The following NADK2 variants were observed in gnomAD, a reference collection of about 807,000 sequenced individuals.
NADK2 encodes NAD kinase 2, mitochondrial, also known as NAD kinase domain-containing protein 1, mitochondrial.
NADK2 carries 35 observed loss-of-function variants against 62.1 expected under a neutral mutation model. That is an observed-to-expected ratio of 0.56 (90% CI 0.43 to 0.75). The LOEUF is 0.75. NADK2 is among the 30% of genes least tolerant of loss of function. The pLI, the probability that NADK2 is intolerant of heterozygous loss-of-function variation, is 0.00. For missense variants in NADK2, 439 were observed against 561.3 expected (o/e 0.78, Z 2.20); for synonymous variants, 205 against 207.9 (o/e 0.99, Z 0.12).
At chr5:36,239,645 G>T (rs1289824895) in intron 1 of NADK2, among the ~76,000 whole-genome samples, 1 of 152,054 alleles carries the variant, frequency 6.6e-6, no homozygotes. Flanking sequence ...TTTATTAAGT[G>T]GTAATCTAGT....
In NADK2 at chr5:36,195,021, A is replaced by T; in HGVS notation, c.*123T>A. On this transcript the variant is annotated 3_prime_UTR_variant, in exon 12 of 12. Coordinates refer to ENST00000381937, the MANE Select transcript of NADK2 (RefSeq NM_001085411.3). ...CCAACAGAAGAATAATGCAAATCTC[A>T]CTTCTGAGCCCACGGGCAAGCAGTC... The T allele has an allele frequency of 1.0e-6, 1 of 958,848 alleles. No individual in the cohort carries two copies. Among genetic ancestry groups the T allele is most frequent in the Non-Finnish European group, 1.5e-6 (1 of 661,268 alleles). The allele number at this position is 958,848 out of a possible 1,614,324, so 59.4% of individuals were successfully genotyped here.
intron 7 of NADK2, among the ~76,000 whole-genome samples, chr5:36,211,041 T>C (rs1275230735): frequency 6.6e-6 from 1 of 152,108 alleles, no homozygotes; most frequent in Non-Finnish European, 1.5e-5. Flanking sequence ...CCAAGCGCAG[T>C]GACTCACACC....
intron 4 of NADK2, among the ~76,000 whole-genome samples, chr5:36,220,394 A>G (rs1338737080): frequency 6.6e-6 from 1 of 151,462 alleles, no homozygotes; most frequent in African/African-American, 2.4e-5. Flanking sequence ...TGGCACCTAA[A>G]GATGTCCAGA....
At chr5:36,232,648 G>C (rs760353818) in intron 1 of NADK2, among the ~76,000 whole-genome samples, 1 of 151,972 alleles carries the variant, frequency 6.6e-6, no homozygotes, top group African/African-American at 2.4e-5. Flanking sequence ...TTTCTCCCAG[G>C]CTCTCACCTT....
intron 1 of NADK2, among the ~76,000 whole-genome samples, chr5:36,240,883 T>C (rs1301892446): frequency 6.6e-6 from 1 of 152,230 alleles, no homozygotes; most frequent in Non-Finnish European, 1.5e-5. Context: ...ACCAAAGACC[T>C]GTGCTTTTAA....
chr5:36,241,651 C>G lies in NADK2; in HGVS notation c.148G>C (p.Gly50Arg). 7.6e-7 allele frequency: 1 copy of G among 1,310,128 alleles called. No homozygotes were observed. Among genetic ancestry groups the G allele is most frequent in the Non-Finnish European group, 9.7e-7 (1 of 1,032,806 alleles). 81.2% of individuals were successfully genotyped at this position (1,310,128 alleles called of 1,614,324 possible). A position where few individuals can be genotyped will look rare whatever the true frequency, so the allele number is the denominator to read the frequency against. Residue 50 changes from glycine to arginine, a missense_variant, in exon 1 of 12, where the codon GGG becomes CGG. Transcript: ENST00000381937. This position sits in a 1 kb window ranked among gnomAD's most constrained non-coding sequence, Gnocchi z 4.9. ...DGGGRRHLGQ[G>R]QPRELAGCGS... is the part of the protein sequence containing the mutation. ...CAGCCCGCCAGCTCGCGCGGCTGCC[C>G]CTGCCCCAGGTGCCGCCGGCCGCCA...
chr5:36,220,314 A>T (rs1027297127), intron 4 of NADK2, among the ~76,000 whole-genome samples: 2 of 152,238 alleles, frequency 1.3e-5, no homozygotes, highest in African/African-American at 4.8e-5. Context: ...TGTGGAAGAC[A>T]AATTAAAACA....
intron 1 of NADK2, among the ~76,000 whole-genome samples, chr5:36,230,153 A>C (rs531551021): frequency 2.8e-4 from 42 of 152,144 alleles, no homozygotes; most frequent in African/African-American, 9.9e-4. Flanking sequence ...TACAAATGGC[A>C]CTTTCTTCCT....
chr5:36,235,879 T>A (rs983514932), intron 1 of NADK2, among the ~76,000 whole-genome samples: 1 of 80,750 alleles, frequency 1.2e-5, no homozygotes, highest in South Asian at 5.6e-4. Context: ...TGGTTTATTA[T>A]GAAGAAAATA....
chr5:36,206,771 T>C (rs1746656739), intron 8 of NADK2, among the ~76,000 whole-genome samples: 1 of 152,064 alleles, frequency 6.6e-6, no homozygotes, highest in Non-Finnish European at 1.5e-5. Context: ...AGAGGGAGAT[T>C]ATAGAGTAAA....
intron 1 of NADK2, among the ~76,000 whole-genome samples, chr5:36,237,936 T>C (rs981032186): frequency 2.0e-5 from 3 of 152,114 alleles, no homozygotes; most frequent in Admixed American, 1.3e-4. Context: ...ACAAGTACTC[T>C]TGGTGACTAA....
chr5:36,239,580 TTAGG>T (rs1748033583), intron 1 of NADK2, among the ~76,000 whole-genome samples: 1 of 152,180 alleles, frequency 6.6e-6, no homozygotes, highest in Admixed American at 6.5e-5. Context: ...ACGGGTACAC[TTAGG>T]TAGTTTGACT....
At chr5:36,199,646 G>T (rs1746366114) in intron 10 of NADK2, among the ~76,000 whole-genome samples, 1 of 152,006 alleles carries the variant, frequency 6.6e-6, no homozygotes, top group Admixed American at 6.6e-5. Flanking sequence ...ACAAACACCA[G>T]CTAGATGATC....
rs761334258 is a variant in NADK2, at chr5:36,241,535, A to C, written c.264T>G (p.Arg88=). ...TRYEFEQQRY[R]YAELSEEDLK... is the part of the protein sequence containing the mutation. ...GGTCCTCCTCCGAGAGCTCCGCGTA[A>C]CGGTACCGCTGCTGCTCGAACTCGT... Residue 88 remains arginine, a synonymous_variant, in exon 1 of 12, where the codon CGT becomes CGG. Coordinates refer to ENST00000381937, the MANE Select transcript of NADK2 (RefSeq NM_001085411.3). The surrounding 1 kb of genome is among the most constrained non-coding windows in gnomAD (Gnocchi z 4.9). 4.5e-6 allele frequency: 7 copies of C among 1,569,008 alleles called. No homozygotes were observed. The highest frequency in any genetic ancestry group is 5.1e-6 in the Non-Finnish European group (6 of 1,166,454).
intron 1 of NADK2, among the ~76,000 whole-genome samples, chr5:36,239,385 T>C (rs1748025320): frequency 6.6e-6 from 1 of 152,080 alleles, no homozygotes; most frequent in Non-Finnish European, 1.5e-5. Context: ...CAAATTCAAA[T>C]CAGTAAGGAA....
intron 8 of NADK2, among the ~76,000 whole-genome samples, chr5:36,206,063 T>C (rs1746623094): frequency 6.6e-6 from 1 of 152,092 alleles, no homozygotes; most frequent in Non-Finnish European, 1.5e-5. Flanking sequence ...AAACACCGCA[T>C]GTTCTCACTC....
chr5:36,199,064 G>C (rs911922782), intron 10 of NADK2, among the ~76,000 whole-genome samples: 30 of 151,804 alleles, frequency 2.0e-4, no homozygotes, highest in African/African-American at 7.3e-4. Context: ...GGTAGGGGGT[G>C]GGGGGAGGAA....
intron 11 of NADK2, among the ~76,000 whole-genome samples, chr5:36,196,982 C>T (rs867105758): frequency 9.9e-5 from 15 of 151,784 alleles, no homozygotes; most frequent in Admixed American, 7.2e-4. Flanking sequence ...ACATTTTCTC[C>T]GAATTTTAGA....
intron 1 of NADK2, among the ~76,000 whole-genome samples, chr5:36,233,915 AC>A (rs1208542144): frequency 6.6e-6 from 1 of 152,150 alleles, no homozygotes; most frequent in Non-Finnish European, 1.5e-5. Flanking sequence ...ATACCATTTC[AC>A]CTTCATATTA....
Sources: gnomAD v4.1 joint callset for allele counts (sites outside exome capture counted in the v4.1 genomes callset) on GRCh38, gnomAD v4.1.1 for gene constraint, Gnocchi (gnomAD v3.1) non-coding constraint, MANE v1.5 for transcripts, NCBI Gene and HGNC (gene_info 2026-07-23, HGNC 2026-07-21) for gene names.